NLGN1: variants seen among roughly 807,000 people sequenced by gnomAD.
NLGN1 encodes neuroligin-1.
Under a neutral mutation model 65.5 loss-of-function variants are expected in NLGN1, and 12 were observed. The ratio of observed to expected loss-of-function variants is 0.18; its 90% CI spans 0.12 to 0.30. The LOEUF is 0.30. Among genes scored for constraint, NLGN1 ranks in the 10% least tolerant of loss-of-function variants. NLGN1 has a pLI of 1.00. For synonymous variants in NLGN1, 350 were observed against 359.5 expected (o/e 0.97, Z 0.30); for missense variants, 750 against 1,007.1 (o/e 0.74, Z 3.46).
At chr3:173,527,141 C>T (rs1735780274) in intron 2 of NLGN1, among the ~76,000 whole-genome samples, 3 of 152,164 alleles carry the variant, frequency 2.0e-5, no homozygotes, top group Admixed American at 2.0e-4. Flanking sequence ...TGAGGAACCT[C>T]TACACCTTTC....
chr3:174,278,576 C>CTT (rs904205780), intron 5 of NLGN1, among the ~76,000 whole-genome samples: 4 of 151,932 alleles, frequency 2.6e-5, no homozygotes, highest in African/African-American at 9.6e-5. Context: ...ATATTTGGGA[C>CTT]TTTTTACCAC....
Position 173,897,249 on chromosome 3 carries a change from G to A in NLGN1, c.646+89417G>A, listed in dbSNP as rs76971144. Among the ~76,000 whole-genome samples, 41 of 152,190 alleles carry A rather than the reference G, an allele frequency of 2.7e-4. No individual in the cohort carries two copies. The East Asian group carries it at 4.3e-3, about 16-fold the overall frequency. ...ACTGATTTTCTTTCCAGGCAATCCC[G>A]CTAGAGATCATCACCTGACTAGCAT... On this transcript the variant is annotated intron_variant, in intron 4 of 6. Coordinates refer to ENST00000457714, the Ensembl canonical transcript of NLGN1.
At chr3:173,914,562 T>TATACA (rs1740347161) in intron 4 of NLGN1, among the ~76,000 whole-genome samples, 1 of 151,802 alleles carries the variant, frequency 6.6e-6, no homozygotes, top group African/African-American at 2.4e-5. Context: ...CACACATATG[T>TATACA]ATATATTTGA....
chr3:173,624,240 A>G (rs1754472452), intron 3 of NLGN1, among the ~76,000 whole-genome samples: 1 of 152,114 alleles, frequency 6.6e-6, no homozygotes, highest in South Asian at 2.1e-4. Flanking sequence ...TCATTTTCAG[A>G]TTCTTTCTAG....
chr3:173,401,157 T>C (rs1717612145), intron 1 of NLGN1, among the ~76,000 whole-genome samples: 1 of 151,896 alleles, frequency 6.6e-6, no homozygotes, highest in South Asian at 2.1e-4. Flanking sequence ...TATGGGGGAG[T>C]GTACTGTACA....
intron 3 of NLGN1, among the ~76,000 whole-genome samples, chr3:173,646,401 A>G (rs1259910282): frequency 6.6e-6 from 1 of 152,240 alleles, no homozygotes; most frequent in Non-Finnish European, 1.5e-5. Flanking sequence ...TTCTCTGGTT[A>G]GGAATGTGCA....
At chr3:173,987,818 C>T (rs571335791) in intron 4 of NLGN1, among the ~76,000 whole-genome samples, 145 of 152,194 alleles carry the variant, frequency 9.5e-4, no homozygotes, top group African/African-American at 3.3e-3. Flanking sequence ...TGGCATTTTT[C>T]GGTAAGGGAG....
chr3:173,406,549 G>C (rs1019324955), intron 1 of NLGN1, among the ~76,000 whole-genome samples: 2 of 147,022 alleles, frequency 1.4e-5, no homozygotes, highest in Admixed American at 6.8e-5. Context: ...CAATATATAT[G>C]AATATATATT....
chr3:173,810,200 T>C (rs1717582087), intron 4 of NLGN1, among the ~76,000 whole-genome samples: 1 of 152,204 alleles, frequency 6.6e-6, no homozygotes, highest in African/African-American at 2.4e-5. Flanking sequence ...TATCAGAACA[T>C]TTGTTTCAGC....
At chr3:173,604,345 G>A (rs186723645) in exon 3 of NLGN1, 265 of 466,582 alleles carry the variant, frequency 5.7e-4, no homozygotes, top group Non-Finnish European at 9.2e-4. Flanking sequence ...GCCCACTCTT[G>A]CCACACTGCT....
intron 2 of NLGN1, among the ~76,000 whole-genome samples, chr3:173,544,259 C>CGT (rs3980148): frequency 0.57 from 81,902 of 143,970 alleles, 24,543 homozygotes; most frequent in East Asian, 0.78. Flanking sequence ...GATTATATTA[C>CGT]GTGTGTGTGT....
intron 3 of NLGN1, among the ~76,000 whole-genome samples, chr3:173,670,592 T>A (rs1762318364): frequency 6.6e-6 from 1 of 152,164 alleles, no homozygotes; most frequent in Non-Finnish European, 1.5e-5. Flanking sequence ...TGAAGCTATT[T>A]TGGGAACAAA....
chr3:173,886,690 A>C (rs1734394177), intron 4 of NLGN1, among the ~76,000 whole-genome samples: 1 of 152,104 alleles, frequency 6.6e-6, no homozygotes, highest in African/African-American at 2.4e-5. Flanking sequence ...AATCGAAATA[A>C]ATGAAGAAAT....
intron 4 of NLGN1, among the ~76,000 whole-genome samples, chr3:174,087,283 A>T (rs1337867589): frequency 1.3e-5 from 2 of 152,176 alleles, no homozygotes; most frequent in Non-Finnish European, 2.9e-5. Context: ...AAATAAAAGT[A>T]AAAAACAAGT....
At chr3:174,220,719 T>C (rs547891101) in intron 4 of NLGN1, among the ~76,000 whole-genome samples, 2 of 152,150 alleles carry the variant, frequency 1.3e-5, no homozygotes, top group African/African-American at 4.8e-5. Context: ...TATAGTTTTC[T>C]AGGGCATTAT....
chr3:173,609,441 T>A (rs909686483), intron 3 of NLGN1, among the ~76,000 whole-genome samples: 1 of 151,986 alleles, frequency 6.6e-6, no homozygotes, highest in East Asian at 1.9e-4. Context: ...AATATTGAAT[T>A]CTTTCAAGAG....
chr3:173,856,231 T>G (rs1727934784), intron 4 of NLGN1, among the ~76,000 whole-genome samples: 1 of 151,694 alleles, frequency 6.6e-6, no homozygotes, highest in Admixed American at 6.6e-5. Context: ...ATGTTCAGGC[T>G]TTTGCAGTGG....
chr3:173,587,308 G>A (rs78476583), intron 2 of NLGN1, among the ~76,000 whole-genome samples: 3,582 of 151,334 alleles, frequency 0.024, 55 homozygotes, highest in Middle Eastern at 0.048. Context: ...TACTTGGAGG[G>A]GCTGTATCCT....
At chr3:173,632,853 T>TTTTTTTTTG in intron 3 of NLGN1, among the ~76,000 whole-genome samples, 1 of 124,372 alleles carries the variant, frequency 8.0e-6, no homozygotes, top group Admixed American at 7.4e-5. Flanking sequence ...TTTTTTGTTT[T>TTTTTTTTTG]TTTTTTTTTT....
Sources: gnomAD v4.1 joint callset for allele counts (sites outside exome capture counted in the v4.1 genomes callset) on GRCh38, gnomAD v4.1.1 for gene constraint, MANE v1.5 for transcripts, NCBI Gene and HGNC (gene_info 2026-07-23, HGNC 2026-07-21) for gene names.